The following EML1 variants were observed in gnomAD, a reference collection of about 807,000 sequenced individuals.
The protein encoded by EML1 is EMAP like 1.
Under a neutral mutation model 110.4 loss-of-function variants are expected in EML1, and 27 were observed. The observed-to-expected ratio is 0.24, with a 90% CI of 0.18 to 0.34. EML1 has a LOEUF of 0.34. EML1 is among the 10% of genes least tolerant of loss of function. The pLI is 1.00. For missense variants in EML1, 741 were observed against 1,030.9 expected, an observed-to-expected ratio of 0.72 and a Z score of 3.85; for synonymous variants, 344 against 385.8, an observed-to-expected ratio of 0.89 and a Z score of 1.27.
intron 3 of EML1, among the ~76,000 whole-genome samples, chr14:99,876,718 G>A (rs1158616979): frequency 1.3e-5 from 2 of 152,136 alleles, no homozygotes; most frequent in African/African-American, 4.8e-5. Flanking sequence ...ACCCAAGTCT[G>A]TGTGTGTTCC....
At chr14:99,837,044 A>T (rs1369512124) in intron 1 of EML1, among the ~76,000 whole-genome samples, 1 of 147,440 alleles carries the variant, frequency 6.8e-6, no homozygotes, top group Non-Finnish European at 1.5e-5. Flanking sequence ...ATTTCCTCAC[A>T]TGTAAATGCT....
intron 3 of EML1, among the ~76,000 whole-genome samples, chr14:99,871,559 C>T (rs57128473): frequency 0.066 from 10,003 of 151,572 alleles, 1,122 homozygotes; most frequent in African/African-American, 0.23. Flanking sequence ...GGGAGGAGGC[C>T]AAAATCTCAA....
chr14:99,737,740 A>G lies in EML1; in HGVS notation c.-93A>G, dbSNP rs1445424094. On this transcript the variant is annotated 5_prime_UTR_variant, in exon 1 of 11. Coordinates refer to the EML1 transcript ENST00000554479. ...GGACGCTGCCTGGGGCTGGACGCGG[A>G]GGAGCCCCAAGCCCTGCTGGGTGGG... is the stretch of plus-strand genomic sequence containing the variant. 3.2e-6 allele frequency: 4 copies of G among 1,233,006 alleles called. No individual in the cohort carries two copies. In the East Asian group the frequency reaches 1.7e-4, roughly 54 times the overall value. 76.4% of individuals were successfully genotyped at this position (1,233,006 alleles called of 1,614,324 possible).
chr14:99,906,831 G>T (rs1195585514), intron 9 of EML1: 1 of 151,974 alleles, frequency 6.6e-6, no homozygotes, highest in African/African-American at 2.4e-5. Flanking sequence ...GGACGTGCTG[G>T]TTCAGCAGAC....
chr14:99,932,871 C>G (rs748356924), intron 17 of EML1, among the ~76,000 whole-genome samples: 18 of 152,206 alleles, frequency 1.2e-4, no homozygotes, highest in African/African-American at 4.3e-4. Flanking sequence ...GTAATCCCAG[C>G]ACTTTGGGAG....
At chr14:99,788,958 C>T (rs1169216236), upstream of EML1, among the ~76,000 whole-genome samples, 1 of 152,128 alleles carries the variant, frequency 6.6e-6, no homozygotes, top group East Asian at 1.9e-4. Flanking sequence ...TGCATAATGT[C>T]TTGATACATG....
At chr14:99,869,185 G>A (rs983566137) in intron 3 of EML1, among the ~76,000 whole-genome samples, 2 of 152,142 alleles carry the variant, frequency 1.3e-5, no homozygotes, top group Non-Finnish European at 2.9e-5. Context: ...TTACAAATTG[G>A]TGGTGGTGGC....
chr14:99,817,000 A>G lies in EML1; in HGVS notation c.67+23457A>G, dbSNP rs573921453. ...TCATTATACAATATCAAAAAAGCAC[A>G]TGGGTTAATATCAACCCCCAATGTC... On this transcript the variant is annotated intron_variant, in intron 1 of 21. Transcript: ENST00000262233. 1.2e-4 allele frequency among the ~76,000 whole-genome samples: 18 copies of G among 152,384 alleles called. No individual in the cohort carries two copies. In the South Asian group the frequency reaches 3.7e-3, roughly 32 times the overall value.
chr14:99,882,430 A>G (rs1474025885), intron 4 of EML1, among the ~76,000 whole-genome samples: 1 of 152,220 alleles, frequency 6.6e-6, no homozygotes, highest in Non-Finnish European at 1.5e-5. Context: ...CAGCTCTATA[A>G]GCAAGACACT....
In EML1 at chr14:99,936,257, G is replaced by A; in HGVS notation, c.2018G>A (p.Ser673Asn). Residue 673 changes from serine (S) to asparagine (N), a missense_variant, in exon 19 of 22, where the codon AGC becomes AAC. Ser to Asn is a conservative substitution (Grantham distance 46). Coordinates refer to ENST00000262233, the MANE Select transcript of EML1 (RefSeq NM_004434.3). This position sits in a 1 kb window ranked among gnomAD's most constrained non-coding sequence, Gnocchi z 5.5. ...TRVGKCSGHS[S>N]FITHLDWSVN... ...GTTTTACCCTCCCAGGGTCATTCCA[G>A]CTTCATTACTCACCTGGACTGGTCT... 1 of 1,614,100 alleles carries A rather than the reference G, an allele frequency of 6.2e-7. No individual in the cohort carries two copies. Among genetic ancestry groups the A allele is most frequent in the South Asian group, 1.1e-5 (1 of 91,086 alleles).
At chr14:99,892,344 C>A in intron 5 of EML1, 1 of 385,686 alleles carries the variant, frequency 2.6e-6, no homozygotes, top group Non-Finnish European at 3.5e-6. Flanking sequence ...AAGTTAAACG[C>A]ATCCCTGAGC....
At chr14:99,897,059 T>G in intron 6 of EML1, 86 bp from the exon 7 acceptor site, 1 of 1,221,768 alleles carries the variant, frequency 8.2e-7, no homozygotes, top group East Asian at 2.6e-5. Flanking sequence ...AGTTATATGG[T>G]ATTTTATTGC....
At chr14:99,746,257 C>A (rs80155568) in intron 1 of EML1, among the ~76,000 whole-genome samples, 4,771 of 152,010 alleles carry the variant, frequency 0.031, 256 homozygotes, top group African/African-American at 0.11. Flanking sequence ...TCACCCACCT[C>A]AGGAGGGTCA....
At chr14:99,812,580 G>A (rs1283421759) in intron 1 of EML1, among the ~76,000 whole-genome samples, 6 of 151,622 alleles carry the variant, frequency 4.0e-5, no homozygotes, top group Non-Finnish European at 7.4e-5. Context: ...CTGTACAATC[G>A]GCTCTTCACT....
intron 3 of EML1, among the ~76,000 whole-genome samples, chr14:99,872,496 G>A (rs1241154111): frequency 2.0e-5 from 3 of 152,134 alleles, no homozygotes; most frequent in Non-Finnish European, 4.4e-5. Context: ...ACTCTAATAA[G>A]CTATTGTCAG....
chr14:99,913,375 C>T (rs2059977987), intron 13 of EML1, among the ~76,000 whole-genome samples: 1 of 151,930 alleles, frequency 6.6e-6, no homozygotes, highest in African/African-American at 2.4e-5. Flanking sequence ...TGGAGTCTTG[C>T]TATATTGCCC....
At chr14:99,922,316 A>G (rs2060143602) in intron 17 of EML1, among the ~76,000 whole-genome samples, 1 of 152,122 alleles carries the variant, frequency 6.6e-6, no homozygotes, top group East Asian at 1.9e-4. Context: ...GGATTTCGCC[A>G]TATTGGCCAG....
intron 12 of EML1, among the ~76,000 whole-genome samples, chr14:99,911,171 C>T (rs1054476397): frequency 2.6e-5 from 4 of 152,126 alleles, no homozygotes; most frequent in Admixed American, 6.5e-5. Flanking sequence ...TCAGAGCCCA[C>T]GTTCTCAGCC....
intron 8 of EML1, among the ~76,000 whole-genome samples, chr14:99,898,872 A>G (rs918116937): frequency 2.0e-5 from 3 of 152,108 alleles, no homozygotes; most frequent in Non-Finnish European, 1.5e-5. Flanking sequence ...TAAAATGTTT[A>G]TTTATATGAT....
Sources: allele counts gnomAD v4.1 joint callset (sites outside exome capture counted in the v4.1 genomes callset), GRCh38; gene constraint gnomAD v4.1.1; non-coding constraint Gnocchi (gnomAD v3.1); transcripts MANE v1.5; gene names NCBI Gene and HGNC (gene_info 2026-07-23, HGNC 2026-07-21).